The following ADARB2 variants were observed in gnomAD, a reference collection of about 807,000 sequenced individuals.
ADARB2 encodes the protein adenosine deaminase RNA specific B2 (inactive).
ADARB2 carries 25 observed loss-of-function variants against 62.2 expected under a neutral mutation model. That is an observed-to-expected ratio of 0.40 (90% CI 0.29 to 0.56). ADARB2 has a LOEUF of 0.56. Ranked by LOEUF, ADARB2 falls within the 20% of genes least tolerant of loss-of-function variation. ADARB2 has a pLI of 0.43. For missense variants in ADARB2, 1,071 were observed against 1,077.4 expected, an observed-to-expected ratio of 0.99 and a Z score of 0.08; for synonymous variants, 572 against 500.8, an observed-to-expected ratio of 1.14 and a Z score of -1.90.
At chr10:1,387,545 G>T (rs1202375312) in intron 1 of ADARB2, among the ~76,000 whole-genome samples, 1 of 152,000 alleles carries the variant, frequency 6.6e-6, no homozygotes, top group Non-Finnish European at 1.5e-5. Flanking sequence ...AACTGTCAAA[G>T]TTCACTGATG....
At chr10:1,185,087 A>G in intron 8 of ADARB2, 48 bp from the exon 9 acceptor site, 2 of 1,577,434 alleles carry the variant, frequency 1.3e-6, no homozygotes, top group South Asian at 1.2e-5. Context: ...CTGGCCTCAC[A>G]CGGGGCTCCC....
intron 1 of ADARB2, among the ~76,000 whole-genome samples, chr10:1,465,666 C>T (rs1210612712): frequency 6.6e-6 from 1 of 152,242 alleles, no homozygotes; most frequent in Non-Finnish European, 1.5e-5. Context: ...GTGAAAAACG[C>T]AACTTGGGTG....
chr10:1,310,764 G>A (rs1376757951), intron 3 of ADARB2, among the ~76,000 whole-genome samples: 8 of 152,168 alleles, frequency 5.3e-5, no homozygotes, highest in Non-Finnish European at 8.8e-5. Context: ...CTCCTGTCCC[G>A]TTTCACTCTG....
chr10:1,390,587 C>G (rs1832561372), intron 1 of ADARB2, among the ~76,000 whole-genome samples: 1 of 152,210 alleles, frequency 6.6e-6, no homozygotes, highest in South Asian at 2.1e-4. Flanking sequence ...AAATGAAGAT[C>G]TCTGCTAGGA....
At chr10:1,425,343 G>T (rs374551969) in intron 1 of ADARB2, among the ~76,000 whole-genome samples, 39 of 152,248 alleles carry the variant, frequency 2.6e-4, no homozygotes, top group African/African-American at 9.4e-4. Flanking sequence ...TTGGGTTTTT[G>T]TTTCCCTGAA....
At chr10:1,735,775 G>T (rs1467708869) in intron 1 of ADARB2, among the ~76,000 whole-genome samples, 1 of 152,186 alleles carries the variant, frequency 6.6e-6, no homozygotes, top group African/African-American at 2.4e-5. Context: ...AGTTGTGGGG[G>T]CCAATCCCTC....
In ADARB2 at chr10:1,363,178, G is replaced by A. The variant is rs749476217; in HGVS notation, c.927C>T (p.Ala309=). 11 of 1,529,416 alleles carry A rather than the reference G, an allele frequency of 7.2e-6. No homozygotes were observed. In the East Asian group the frequency reaches 3.0e-4, roughly 41 times the overall value. The allele number at this position is 1,529,416 out of a possible 1,614,324, so 94.7% of individuals were successfully genotyped here. ...CGAACGTCCTGCCGTCCACGCTCACGGCCATCACGAAGCTCCGCGCGCGCC... is the reference window on the plus strand; with the variant it reads ...CGAACGTCCTGCCGTCCACGCTCACAGCCATCACGAAGCTCCGCGCGCGCC... ...AERRARSFVM[A]VSVDGRTFEG... is the part of the protein sequence containing the mutation. The change falls in exon 3 of 10, where the codon GCC becomes GCT. Residue 309 remains alanine, a synonymous_variant. Transcript: ENST00000381312.
At chr10:1,661,654 A>C (rs1834249825) in intron 1 of ADARB2, among the ~76,000 whole-genome samples, 1 of 152,184 alleles carries the variant, frequency 6.6e-6, no homozygotes, top group African/African-American at 2.4e-5. Flanking sequence ...AGACAGAGGG[A>C]GGGCACCATG....
chr10:1,531,074 C>T (rs749203420), intron 1 of ADARB2, among the ~76,000 whole-genome samples: 17 of 152,206 alleles, frequency 1.1e-4, no homozygotes, highest in Non-Finnish European at 2.2e-4. Context: ...ACAAGCCCTG[C>T]GCCATGATAG....
intron 1 of ADARB2, among the ~76,000 whole-genome samples, chr10:1,483,602 T>C (rs545127732): frequency 1.2e-4 from 14 of 118,394 alleles, no homozygotes; most frequent in African/African-American, 4.3e-4. Flanking sequence ...TCCCAGAGTA[T>C]TATTTTTCTG....
At chr10:1,721,797 C>T (rs1429315309) in intron 1 of ADARB2, among the ~76,000 whole-genome samples, 1 of 152,158 alleles carries the variant, frequency 6.6e-6, no homozygotes, top group Non-Finnish European at 1.5e-5. Flanking sequence ...TTGGCCTCAT[C>T]CCAGCCCTTG....
At chr10:1,498,235 A>C (rs1361700921) in intron 1 of ADARB2, among the ~76,000 whole-genome samples, 1 of 152,038 alleles carries the variant, frequency 6.6e-6, no homozygotes, top group East Asian at 1.9e-4. Context: ...TTGGCCAGGC[A>C]TGGTGGCAGA....
At chr10:1,561,573 G>C (rs1487702721) in intron 1 of ADARB2, among the ~76,000 whole-genome samples, 1 of 152,176 alleles carries the variant, frequency 6.6e-6, no homozygotes, top group Non-Finnish European at 1.5e-5. Context: ...GATCATTTCG[G>C]AGCCTTTTCT....
At chr10:1,284,407 A>G (rs867911856) in intron 3 of ADARB2, among the ~76,000 whole-genome samples, 2 of 152,246 alleles carry the variant, frequency 1.3e-5, no homozygotes, top group Middle Eastern at 3.4e-3. Context: ...GTGAATTATG[A>G]GGATGCTCTC....
At chr10:1,678,078 A>T in intron 1 of ADARB2, 1 of 736,614 alleles carries the variant, frequency 1.4e-6, no homozygotes, top group Non-Finnish European at 1.7e-6. Flanking sequence ...CCACAGGCCT[A>T]GTGGTTTTAA....
At chr10:1,611,260 C>T (rs911488224) in intron 1 of ADARB2, among the ~76,000 whole-genome samples, 8 of 152,158 alleles carry the variant, frequency 5.3e-5, no homozygotes, top group African/African-American at 1.7e-4. Flanking sequence ...TTCTTCTTCT[C>T]CTGGACCTTC....
chr10:1,194,770 CT>C (rs943531227), intron 8 of ADARB2, among the ~76,000 whole-genome samples: 4 of 152,126 alleles, frequency 2.6e-5, no homozygotes, highest in African/African-American at 7.2e-5. Context: ...ATCTCTCCCC[CT>C]AAGTGTTCCA....
intron 3 of ADARB2, among the ~76,000 whole-genome samples, chr10:1,279,631 A>C (rs1392307284): frequency 6.6e-6 from 1 of 152,158 alleles, no homozygotes; most frequent in East Asian, 1.9e-4. Flanking sequence ...GGTCATCTTT[A>C]ATAAGGACAC....
intron 8 of ADARB2, among the ~76,000 whole-genome samples, chr10:1,196,340 G>A (rs945993847): frequency 6.6e-6 from 1 of 150,618 alleles, no homozygotes; most frequent in Non-Finnish European, 1.5e-5. Flanking sequence ...GATTGTGCCC[G>A]GCACTTTGTA....
Sources: gnomAD v4.1 joint callset for allele counts (sites outside exome capture counted in the v4.1 genomes callset) on GRCh38, gnomAD v4.1.1 for gene constraint, MANE v1.5 for transcripts, NCBI Gene and HGNC (gene_info 2026-07-23, HGNC 2026-07-21) for gene names.